The following TBC1D5 variants were observed in gnomAD, a reference collection of about 807,000 sequenced individuals.
The protein encoded by TBC1D5 is TBC1 domain family, member 5.
Under a neutral mutation model 100.3 loss-of-function variants are expected in TBC1D5, and 75 were observed. The ratio of observed to expected loss-of-function variants is 0.75; its 90% CI spans 0.62 to 0.91. TBC1D5 has a LOEUF of 0.91. Among genes scored for constraint, TBC1D5 ranks in the 40% least tolerant of loss-of-function variants. The pLI is 0.00. For missense variants in TBC1D5, 910 were observed against 942.4 expected (o/e 0.97, Z 0.45); for synonymous variants, 323 against 325.6 (o/e 0.99, Z 0.09).
At chr3:17,725,516 G>T (rs1451255853) in intron 1 of TBC1D5, among the ~76,000 whole-genome samples, 1 of 151,952 alleles carries the variant, frequency 6.6e-6, no homozygotes, top group Non-Finnish European at 1.5e-5. Flanking sequence ...CAGTTTTATA[G>T]GGAAGGAATT....
At chr3:17,186,710 C>CAAAAAAA (rs58438478) in intron 18 of TBC1D5, among the ~76,000 whole-genome samples, 18 of 27,278 alleles carry the variant, frequency 6.6e-4, no homozygotes, top group African/African-American at 1.1e-3. Context: ...ACTCTATCTC[C>CAAAAAAA]AAAAAAAAAA....
At chr3:17,294,942 T>C (rs1042510957) in intron 14 of TBC1D5, among the ~76,000 whole-genome samples, 7 of 152,174 alleles carry the variant, frequency 4.6e-5, no homozygotes, top group Non-Finnish European at 8.8e-5. Flanking sequence ...CAATAAGAAT[T>C]TAGTTTTGAA....
At chr3:17,576,512 G>C (rs1195586372) in intron 2 of TBC1D5, 1 of 151,934 alleles carries the variant, frequency 6.6e-6, no homozygotes, top group Admixed American at 6.6e-5. Flanking sequence ...GTGGGCTCCT[G>C]CTGCAGGTGG....
intron 14 of TBC1D5, among the ~76,000 whole-genome samples, chr3:17,297,295 G>C (rs2082346849): frequency 6.6e-6 from 1 of 152,190 alleles, no homozygotes; most frequent in Non-Finnish European, 1.5e-5. Context: ...CAATTTTCTT[G>C]GCTAGGCGTG....
chr3:17,359,699 T>G (rs1225680620), intron 13 of TBC1D5, among the ~76,000 whole-genome samples: 2 of 152,000 alleles, frequency 1.3e-5, no homozygotes, highest in Non-Finnish European at 2.9e-5. Flanking sequence ...TAATCACTAG[T>G]ATAAGTGATA....
At chr3:17,570,259 G>A (rs767721996) in intron 2 of TBC1D5, among the ~76,000 whole-genome samples, 7 of 151,988 alleles carry the variant, frequency 4.6e-5, no homozygotes, top group Non-Finnish European at 7.4e-5. Context: ...TATGGTTTCA[G>A]TATTATCAGA....
intron 14 of TBC1D5, among the ~76,000 whole-genome samples, chr3:17,305,382 G>A (rs2083298336): frequency 6.6e-6 from 1 of 152,136 alleles, no homozygotes. Flanking sequence ...TGATCCTAAT[G>A]TGATGTCTTC....
chr3:17,202,455 T>C (rs565005643), intron 18 of TBC1D5, among the ~76,000 whole-genome samples: 38 of 152,316 alleles, frequency 2.5e-4, no homozygotes, highest in African/African-American at 8.4e-4. Context: ...TCCATGTTCC[T>C]GGGAGGGATT....
At position 17,376,509 on chromosome 3, in the gene TBC1D5, TA is replaced by T. The variant is rs201373009; in HGVS notation, c.701+15del. ...GCTAAAAAACAAATGGAGCTCATAT[TA>T]AAAAAAAAACTTGCCTGGGCTGTGC... is the stretch of plus-strand genomic sequence containing the variant. On this transcript the variant is annotated intron_variant, in intron 10 of 21. Coordinates refer to ENST00000253692, the Ensembl canonical transcript of TBC1D5. The T allele has an allele frequency of 5.0e-4, 681 of 1,367,048 alleles. No homozygotes were observed. Among genetic ancestry groups the T allele is most frequent in the Admixed American group, 1.3e-3 (58 of 45,670 alleles). 84.7% of individuals were successfully genotyped at this position (1,367,048 alleles called of 1,614,324 possible). A position where few individuals can be genotyped will look rare whatever the true frequency, so the allele number is the denominator to read the frequency against.
intron 17 of TBC1D5, 45 bp downstream of exon 17, chr3:17,238,118 T>A (rs374187843): frequency 6.3e-7 from 1 of 1,580,656 alleles, no homozygotes; most frequent in Non-Finnish European, 8.6e-7. Flanking sequence ...AATCCCAGGC[T>A]ACACCATGAA....
intron 3 of TBC1D5, among the ~76,000 whole-genome samples, chr3:17,464,467 A>G (rs1322024323): frequency 6.6e-6 from 1 of 152,012 alleles, no homozygotes; most frequent in East Asian, 1.9e-4. Context: ...TACTATAACT[A>G]TTTCTTTCAT....
chr3:17,505,190 T>C (rs905376911), intron 3 of TBC1D5, among the ~76,000 whole-genome samples: 7 of 152,244 alleles, frequency 4.6e-5, no homozygotes, highest in Middle Eastern at 3.4e-3. Context: ...GTGAATACTG[T>C]GACATACAAA....
exon 15 of TBC1D5, chr3:17,291,973 G>A (rs771356122): frequency 5.0e-6 from 8 of 1,613,726 alleles, no homozygotes; most frequent in African/African-American, 1.3e-5. Context: ...TCAGAAGGCC[G>A]AGACAGGTCT....
At chr3:17,411,980 G>T (rs1439504775) in intron 4 of TBC1D5, among the ~76,000 whole-genome samples, 1 of 152,090 alleles carries the variant, frequency 6.6e-6, no homozygotes, top group Admixed American at 6.6e-5. Context: ...CATTTCTATT[G>T]AATAGTGTTT....
At chr3:17,720,774 C>G (rs2075631770) in intron 1 of TBC1D5, among the ~76,000 whole-genome samples, 1 of 151,466 alleles carries the variant, frequency 6.6e-6, no homozygotes, top group Non-Finnish European at 1.5e-5. Context: ...GTGATAGCGC[C>G]ACTACCCTGT....
intron 2 of TBC1D5, among the ~76,000 whole-genome samples, chr3:17,569,500 T>C (rs2096613527): frequency 2.0e-5 from 3 of 151,698 alleles, no homozygotes; most frequent in Admixed American, 1.3e-4. Context: ...GTTTAGCCCA[T>C]GAGGCATATG....
chr3:17,501,185 C>T (rs1262833204), intron 3 of TBC1D5, among the ~76,000 whole-genome samples: 1 of 149,142 alleles, frequency 6.7e-6, no homozygotes, highest in Non-Finnish European at 1.5e-5. Flanking sequence ...CTGCCATTTT[C>T]CTTGATATCT....
At chr3:17,316,975 C>CTCTT (rs2150810563) in intron 13 of TBC1D5, among the ~76,000 whole-genome samples, 1 of 152,262 alleles carries the variant, frequency 6.6e-6, no homozygotes, top group Admixed American at 6.5e-5. Flanking sequence ...ATGCTGACAA[C>CTCTT]TCTTAATCAT....
intron 15 of TBC1D5, among the ~76,000 whole-genome samples, chr3:17,288,875 C>T (rs563190405): frequency 7.2e-5 from 11 of 152,260 alleles, no homozygotes; most frequent in African/African-American, 1.9e-4. Context: ...CAGAGGGTTG[C>T]GACCCCTTGT....
Sources: gnomAD v4.1 joint callset for allele counts (sites outside exome capture counted in the v4.1 genomes callset) on GRCh38, gnomAD v4.1.1 for gene constraint, MANE v1.5 for transcripts, NCBI Gene and HGNC (gene_info 2026-07-23, HGNC 2026-07-21) for gene names.